Variants in STAU2 observed in about 807,000 individuals in gnomAD.
STAU2 encodes double-stranded RNA-binding protein Staufen homolog 2.
In STAU2, 20 loss-of-function variants were observed where a neutral mutation model predicts 65.9. The observed-to-expected ratio is 0.30, with a 90% CI of 0.21 to 0.44. The LOEUF is 0.44. STAU2 is among the 20% of genes least tolerant of loss of function. The pLI is 1.00. For synonymous variants in STAU2, 232 were observed against 233.9 expected (o/e 0.99, Z 0.07); for missense variants, 558 against 683.9 (o/e 0.82, Z 2.05).
chr8:73,549,830 A>C, intron 13 of STAU2: 1 of 984,482 alleles, frequency 1.0e-6, no homozygotes, highest in Non-Finnish European at 1.2e-6. Flanking sequence ...AAATAAAAGT[A>C]ACAGAATAGT....
intron 1 of STAU2, among the ~76,000 whole-genome samples, chr8:73,744,958 C>G (rs1807170558): frequency 6.6e-6 from 1 of 152,150 alleles, no homozygotes; most frequent in African/African-American, 2.4e-5. Context: ...ATTAACAATA[C>G]ATACTTGGAT....
At chr8:73,572,472 C>T (rs1401720008) in intron 12 of STAU2, among the ~76,000 whole-genome samples, 2 of 152,142 alleles carry the variant, frequency 1.3e-5, no homozygotes, top group Non-Finnish European at 2.9e-5. Context: ...ACCAGTATCC[C>T]TACTGAACAT....
At chr8:73,721,287 CAAAAAAAAAAAAAAAAA>C (rs35721754) in intron 3 of STAU2, among the ~76,000 whole-genome samples, 3 of 12,456 alleles carry the variant, frequency 2.4e-4, no homozygotes, top group East Asian at 2.7e-3. Context: ...ACCCCACCTC[CAAAAAAAAAAAAAAAAA>C]AAAAAAAAAA....
rs375503326 is a variant in STAU2 at position 73,535,458 on chromosome 8, C to T, written c.1530+16554G>A. On this transcript the variant is annotated intron_variant, in intron 13 of 14. Coordinates refer to ENST00000524300, the MANE Select transcript of STAU2 (RefSeq NM_001164380.2). ...TGCTGGGATTACAGGCATGAGCCACCGCCCCTGGCCGTTCTTTGCTTTTTA... is the reference window on the plus strand; with the variant it reads ...TGCTGGGATTACAGGCATGAGCCACTGCCCCTGGCCGTTCTTTGCTTTTTA... 6.2e-4 allele frequency among the ~76,000 whole-genome samples: 94 copies of T among 152,296 alleles called. No homozygotes were observed. The South Asian group carries it at 0.018, about 30-fold the overall frequency.
intron 9 of STAU2, among the ~76,000 whole-genome samples, chr8:73,605,356 T>G (rs1811936537): frequency 6.8e-6 from 1 of 146,736 alleles, no homozygotes; most frequent in Non-Finnish European, 1.5e-5. Flanking sequence ...TTGCCCAGGC[T>G]GGAGTGCAGT....
At chr8:73,721,751 TTA>T (rs1182385818) in intron 3 of STAU2, among the ~76,000 whole-genome samples, 2 of 152,218 alleles carry the variant, frequency 1.3e-5, no homozygotes, top group Non-Finnish European at 2.9e-5. Flanking sequence ...GGTTACCATA[TTA>T]TATCTTTTCC....
At position 73,471,133 on chromosome 8, in the gene STAU2, CAACT is replaced by C. The variant is rs1300036786; in HGVS notation, c.1531-48435_1531-48432del. On this transcript the variant is annotated intron_variant, in intron 13 of 14. Coordinates refer to ENST00000524300, the MANE Select transcript of STAU2 (RefSeq NM_001164380.2). ...TTCCTCTTTCTTTCCCCCAATAACT[CAACT>C]GTCTTATATTTAATTTTCTGACATT... Among the ~76,000 whole-genome samples, 3 of 150,978 alleles carry C rather than the reference CAACT, an allele frequency of 2.0e-5. No homozygotes were observed. The East Asian group carries it at 5.8e-4, about 29-fold the overall frequency.
chr8:73,644,070 A>T (rs1051319305), intron 6 of STAU2, among the ~76,000 whole-genome samples: 2 of 152,216 alleles, frequency 1.3e-5, no homozygotes, highest in Non-Finnish European at 2.9e-5. Context: ...ATTTAAGAGA[A>T]GTGAAATTAT....
At chr8:73,541,152 GA>G (rs1363831787) in intron 13 of STAU2, among the ~76,000 whole-genome samples, 32 of 152,304 alleles carry the variant, frequency 2.1e-4, no homozygotes, top group Admixed American at 8.5e-4. Flanking sequence ...CAGCTCAAAT[GA>G]TTGAACGCTA....
intron 4 of STAU2, among the ~76,000 whole-genome samples, chr8:73,700,350 G>A (rs1005249316): frequency 2.0e-5 from 3 of 151,666 alleles, no homozygotes; most frequent in African/African-American, 7.3e-5. Context: ...GAAAGAAAGG[G>A]CATCCAAATT....
At chr8:73,609,734 G>C (rs1328550492) in intron 9 of STAU2, among the ~76,000 whole-genome samples, 1 of 152,146 alleles carries the variant, frequency 6.6e-6, no homozygotes, top group Non-Finnish European at 1.5e-5. Flanking sequence ...TAATTTATAA[G>C]TCTAAGATTG....
chr8:73,598,112 G>A (rs1323013302), intron 10 of STAU2, among the ~76,000 whole-genome samples: 1 of 151,976 alleles, frequency 6.6e-6, no homozygotes, highest in Non-Finnish European at 1.5e-5. Flanking sequence ...AAAGATTCAT[G>A]ACAAAGTTAG....
At chr8:73,655,832 T>C (rs181251663) in intron 6 of STAU2, among the ~76,000 whole-genome samples, 582 of 152,074 alleles carry the variant, frequency 3.8e-3, no homozygotes, top group Non-Finnish European at 7.1e-3. Flanking sequence ...GTATTTTTAG[T>C]AGAGACAGGG....
chr8:73,581,761 C>A lies in STAU2; in HGVS notation c.1222+1009G>T, dbSNP rs767264554. On this transcript the variant is annotated intron_variant, in intron 12 of 14. Coordinates refer to ENST00000524300, the MANE Select transcript of STAU2 (RefSeq NM_001164380.2). ...AGAAAGCAGCCCCAAAATGCCATTA[C>A]CTCACTGAAATAATTCTTTTCAAGA... Among the ~76,000 whole-genome samples the A allele has an allele frequency of 2.3e-3, 59 of 25,208 alleles. No individual in the cohort carries two copies. In the Middle Eastern group the frequency reaches 0.045, roughly 19 times the overall value. The allele number at this position is 25,208 out of a possible 152,430, so 16.5% of individuals were successfully genotyped here. A position where few individuals can be genotyped will look rare whatever the true frequency, so the allele number is the denominator to read the frequency against.
chr8:73,624,755 A>G (rs1813514452), intron 6 of STAU2, among the ~76,000 whole-genome samples: 1 of 152,228 alleles, frequency 6.6e-6, no homozygotes, highest in African/African-American at 2.4e-5. Context: ...ACTCTGAAGA[A>G]GTCATGCTGG....
chr8:73,512,382 C>T (rs892401089), intron 13 of STAU2, among the ~76,000 whole-genome samples: 2 of 152,158 alleles, frequency 1.3e-5, no homozygotes, highest in African/African-American at 2.4e-5. Flanking sequence ...AATCCATGAA[C>T]ATTGAATACC....
At chr8:73,434,951 C>T (rs986464181) in intron 13 of STAU2, among the ~76,000 whole-genome samples, 2 of 152,004 alleles carry the variant, frequency 1.3e-5, no homozygotes, top group Admixed American at 1.3e-4. Flanking sequence ...CATTGGCTGG[C>T]CCCATTCTAC....
chr8:73,535,640 C>T (rs1443086677), intron 13 of STAU2, among the ~76,000 whole-genome samples: 1 of 152,182 alleles, frequency 6.6e-6, no homozygotes, highest in Non-Finnish European at 1.5e-5. Flanking sequence ...AGAAAAGGCA[C>T]TTCCCTATTT....
intron 6 of STAU2, among the ~76,000 whole-genome samples, chr8:73,624,304 T>C (rs771398063): frequency 5.3e-5 from 8 of 152,214 alleles, no homozygotes; most frequent in Non-Finnish European, 1.0e-4. Flanking sequence ...AGTAGTGCCA[T>C]AATCAGGACT....
Sources: allele counts gnomAD v4.1 joint callset (sites outside exome capture counted in the v4.1 genomes callset), GRCh38; gene constraint gnomAD v4.1.1; transcripts MANE v1.5; gene names NCBI Gene and HGNC (gene_info 2026-07-23, HGNC 2026-07-21).